Variants in DHRS4 observed in about 807,000 individuals in gnomAD.
DHRS4 encodes the protein dehydrogenase/reductase SDR family member 4.
DHRS4 carries 20 observed loss-of-function variants against 28.4 expected under a neutral mutation model. The observed-to-expected ratio is 0.71, with a 90% CI of 0.50 to 1.02. DHRS4 has a LOEUF of 1.02. Ranked by LOEUF, DHRS4 falls within the 50% of genes least tolerant of loss-of-function variation. DHRS4 has a pLI of 0.00. For synonymous variants in DHRS4, 144 were observed against 146.4 expected (o/e 0.98, Z 0.12); for missense variants, 378 against 367.2 (o/e 1.03, Z -0.24).
At chr14:23,955,318 T>C (rs544946991) in intron 2 of DHRS4, 106 bp downstream of exon 2, 1 of 1,450,166 alleles carries the variant, frequency 6.9e-7, no homozygotes, top group Admixed American at 2.7e-5. Flanking sequence ...CTGTGTGCCT[T>C]TCTATTATGT....
intron 7 of DHRS4, chr14:23,967,979 A>G (rs2033691721): frequency 2.6e-5 from 1 of 38,984 alleles, no homozygotes; most frequent in East Asian, 4.3e-4. Flanking sequence ...CTGGATTCAC[A>G]TTAGAATCAC....
At chr14:23,958,119 C>T (rs1189427109) in intron 2 of DHRS4, among the ~76,000 whole-genome samples, 1 of 151,978 alleles carries the variant, frequency 6.6e-6, no homozygotes, top group Non-Finnish European at 1.5e-5. Flanking sequence ...GGTGACTTGG[C>T]TTTGTGCCAG....
rs773663123 is a variant in DHRS4 at position 23,953,905 on chromosome 14, C to A, written c.117C>A (p.Ala39=). 25 of 1,595,094 alleles carry A rather than the reference C, an allele frequency of 1.6e-5. No homozygotes were observed. Among genetic ancestry groups the A allele is most frequent in the Admixed American group, 3.5e-5 (2 of 56,584 alleles). The change falls in exon 1 of 8, where the codon GCC becomes GCA. Residue 39 remains alanine (A), a synonymous_variant. Transcript: ENST00000313250. ...CAAATAAGGTGGCCCTGGTAACGGC[C>A]TCCACCGACGGGTGAGTGCTCCGGC... ...PLANKVALVT[A]STDGIGFAIA... is the part of the protein sequence containing the mutation.
Position 23,956,747 on chromosome 14 carries a change from GCA to G in DHRS4, c.306+1536_306+1537del, listed in dbSNP as rs1159931332. Among the ~76,000 whole-genome samples, 565 of 152,122 alleles carry G rather than the reference GCA, an allele frequency of 3.7e-3. 2 individuals are homozygous for G. The highest frequency in any genetic ancestry group is 0.013 in the African/African-American group (539 of 41,448). ...GCCTCCCGAGCAGCTAGGATTACAGGCATCCACCACCACGTCCAGCTAATTTT... is the reference window on the plus strand; with the variant it reads ...GCCTCCCGAGCAGCTAGGATTACAGGTCCACCACCACGTCCAGCTAATTTT... On this transcript the variant is annotated intron_variant, in intron 2 of 7. Coordinates refer to ENST00000313250, the MANE Select transcript of DHRS4 (RefSeq NM_021004.4).
intron 2 of DHRS4, among the ~76,000 whole-genome samples, chr14:23,959,490 C>T (rs60914253): frequency 0.15 from 23,050 of 151,844 alleles, 3,902 homozygotes; most frequent in African/African-American, 0.43. Context: ...CCCAGTAGGT[C>T]AAGGCTGCAG....
rs556719649 is a variant in DHRS4 at position 23,954,889 on chromosome 14, C to A, written c.129-146C>A. 3.1e-5 allele frequency: 43 copies of A among 1,375,148 alleles called. No homozygotes were observed. The Middle Eastern group carries it at 5.7e-4, about 18-fold the overall frequency. The allele number at this position is 1,375,148 out of a possible 1,614,324, so 85.2% of individuals were successfully genotyped here. On this transcript the variant is annotated intron_variant, in intron 1 of 7. Transcript: ENST00000313250. ...TGCCAAAAATGGCCATGCCATTAAG[C>A]CTGTTTTACACATAGTAGGCACACG...
At chr14:23,959,415 G>A (rs935528918) in intron 2 of DHRS4, among the ~76,000 whole-genome samples, 10 of 152,212 alleles carry the variant, frequency 6.6e-5, no homozygotes, top group African/African-American at 1.7e-4. Context: ...AAAATTGCCC[G>A]GGTGTGGTGG....
At chr14:23,956,899 G>A (rs1026946309) in intron 2 of DHRS4, among the ~76,000 whole-genome samples, 4 of 152,134 alleles carry the variant, frequency 2.6e-5, no homozygotes, top group Admixed American at 6.5e-5. Context: ...CACTGTGCCC[G>A]GCCATAGCTT....
At position 23,966,335 on chromosome 14, in the gene DHRS4, C is replaced by T. The variant is rs1257149833; in HGVS notation, c.584C>T (p.Thr195Ile). Reference protein sequence around the residue: ...SKTALLGLTKTLAIELAPRNI... With the variant: ...SKTALLGLTKILAIELAPRNI... ...ACAGCCTTGCTGGGCCTGACCAAGA[C>T]CCTGGCCATAGAGCTGGCCCCAAGG... The change falls in exon 6 of 8, where the codon ACC becomes ATC. Residue 195 changes from threonine to isoleucine, a missense_variant. Physicochemically the swap from Thr to Ile is moderately conservative, Grantham distance 89. Coordinates refer to ENST00000313250, the MANE Select transcript of DHRS4 (RefSeq NM_021004.4). The T allele has an allele frequency of 4.3e-6, 7 of 1,613,932 alleles. No homozygotes were observed. Among genetic ancestry groups the T allele is most frequent in the East Asian group, 2.2e-5 (1 of 44,892 alleles).
At chr14:23,960,069 T>A (rs1594423759) in intron 3 of DHRS4, 66 bp downstream of exon 3, 1 of 1,486,616 alleles carries the variant, frequency 6.7e-7, no homozygotes, top group African/African-American at 1.4e-5. Context: ...ACAAACTCCA[T>A]CTGCTTTTAG....
intron 3 of DHRS4, among the ~76,000 whole-genome samples, chr14:23,961,528 CCTT>C (rs995317419): frequency 4.4e-5 from 4 of 90,434 alleles, no homozygotes; most frequent in African/African-American, 2.4e-4. Flanking sequence ...TGTCTTTTTT[CCTT>C]TTTTTTTTTT....
chr14:23,955,981 T>C (rs1321715364), intron 2 of DHRS4, among the ~76,000 whole-genome samples: 4 of 152,186 alleles, frequency 2.6e-5, no homozygotes, highest in African/African-American at 9.7e-5. Context: ...TACCCAAAAA[T>C]GGAAAGTACA....
chr14:23,958,253 G>A (rs1216794252), intron 2 of DHRS4, among the ~76,000 whole-genome samples: 2 of 152,072 alleles, frequency 1.3e-5, no homozygotes, highest in Admixed American at 6.6e-5. Context: ...AGAAACAACT[G>A]AGCTTAGCAC....
At chr14:23,956,535 G>T (rs2033165618) in intron 2 of DHRS4, among the ~76,000 whole-genome samples, 1 of 151,940 alleles carries the variant, frequency 6.6e-6, no homozygotes, top group South Asian at 2.1e-4. Flanking sequence ...GGAGAGCACA[G>T]GCTCAGGAGT....
At chr14:23,958,577 T>A (rs1030987895) in intron 2 of DHRS4, among the ~76,000 whole-genome samples, 16 of 152,190 alleles carry the variant, frequency 1.1e-4, no homozygotes, top group African/African-American at 3.6e-4. Flanking sequence ...AAATTTCAGT[T>A]TCTGCCTTGA....
intron 1 of DHRS4, 85 bp downstream of exon 1, chr14:23,954,001 T>G (rs1369006742): frequency 1.3e-6 from 2 of 1,523,048 alleles, no homozygotes; most frequent in Admixed American, 2.0e-5. Context: ...GGTGCCCCTG[T>G]CCTCAGACCT....
intron 3 of DHRS4, among the ~76,000 whole-genome samples, chr14:23,965,102 T>G (rs2033569582): frequency 6.6e-6 from 1 of 151,344 alleles, no homozygotes; most frequent in Non-Finnish European, 1.5e-5. Context: ...CCAATTTTTC[T>G]GTAAGATTGA....
Position 23,955,291 on chromosome 14 carries a change from A to G in DHRS4, c.306+79A>G. ...TGAGCCTCCTTCCCTGCTTTCCTAG[A>G]CAGCAGCACATTTTTACTGTGTGCC... is the stretch of plus-strand genomic sequence containing the variant. On this transcript the variant is annotated intron_variant, in intron 2 of 7. Coordinates refer to ENST00000313250, the MANE Select transcript of DHRS4 (RefSeq NM_021004.4). 6 of 1,494,780 alleles carry G rather than the reference A, an allele frequency of 4.0e-6. No homozygotes were observed. The South Asian group carries it at 6.6e-5, about 17-fold the overall frequency. 92.6% of individuals were successfully genotyped at this position (1,494,780 alleles called of 1,614,324 possible). A position where few individuals can be genotyped will look rare whatever the true frequency, so the allele number is the denominator to read the frequency against.
At chr14:23,967,318 T>C (rs2033669980) in intron 7 of DHRS4, 52 bp downstream of exon 7, 1 of 1,588,382 alleles carries the variant, frequency 6.3e-7, no homozygotes, top group Non-Finnish European at 8.6e-7. Context: ...TGGGAAGGTC[T>C]GGTCCCTAGC....
Sources: allele counts gnomAD v4.1 joint callset (sites outside exome capture counted in the v4.1 genomes callset), GRCh38; gene constraint gnomAD v4.1.1; transcripts MANE v1.5; gene names NCBI Gene and HGNC (gene_info 2026-07-23, HGNC 2026-07-21).